Variants in TPRG1 observed in about 807,000 individuals in gnomAD.
TPRG1 encodes tumor protein p63 regulated 1, also known as tumor protein p63-regulated gene 1 protein.
TPRG1 carries 29 observed loss-of-function variants against 29.3 expected under a neutral mutation model. The observed-to-expected ratio is 0.99, with a 90% CI of 0.74 to 1.35. The LOEUF (loss-of-function observed/expected upper bound fraction) is 1.35. Ranked by LOEUF, TPRG1 falls within the 40% of genes most tolerant of loss-of-function variation. The pLI is 0.00. For missense variants in TPRG1, 327 were observed against 335.0 expected (o/e 0.98, Z 0.19); for synonymous variants, 130 against 116.8 (o/e 1.11, Z -0.73).
At chr3:189,011,392 A>G (rs1394690066) in intron 3 of TPRG1, among the ~76,000 whole-genome samples, 2 of 152,084 alleles carry the variant, frequency 1.3e-5, no homozygotes, top group East Asian at 3.8e-4. Context: ...TTCTATCTGT[A>G]TTAGTTCATT....
chr3:189,205,361 A>G (rs974636219), intron 1 of TPRG1, among the ~76,000 whole-genome samples: 4 of 152,246 alleles, frequency 2.6e-5, no homozygotes, highest in African/African-American at 9.6e-5. Context: ...GGGTGAACAT[A>G]TATATAGAGC....
chr3:189,196,551 T>G (rs1419400868), intron 1 of TPRG1, among the ~76,000 whole-genome samples: 1 of 151,954 alleles, frequency 6.6e-6, no homozygotes, highest in East Asian at 1.9e-4. Flanking sequence ...AAACTCCCCT[T>G]TATAAATCCA....
chr3:189,220,711 GT>G (rs1433633454), intron 3 of TPRG1, among the ~76,000 whole-genome samples: 3 of 152,046 alleles, frequency 2.0e-5, no homozygotes, highest in Non-Finnish European at 4.4e-5. Flanking sequence ...TCCTGTATTA[GT>G]TTGCTATGGA....
At chr3:189,217,916 A>C in intron 3 of TPRG1, 1 of 985,448 alleles carries the variant, frequency 1.0e-6, no homozygotes, top group Non-Finnish European at 1.2e-6. Context: ...CAACAATGAG[A>C]ACACAAAAAC....
chr3:189,137,296 ATGTGTGTGTGTGTG>A lies in TPRG1; in HGVS notation c.-291+4639_-291+4652del, dbSNP rs10525363. The stretch of plus-strand genomic sequence containing the variant: ...ATAAACAGCTTCTGAAAACCCCAAA[ATGTGTGTGTGTGTG>A]TGTGTGTGTGTGTGTGTGTGTGTGT... On this transcript the variant is annotated intron_variant, in intron 3 of 6. Coordinates refer to the TPRG1 transcript ENST00000412373. 2.1e-3 allele frequency among the ~76,000 whole-genome samples: 279 copies of A among 129,898 alleles called. 2 individuals carry two copies. The highest frequency in any genetic ancestry group is 5.0e-3 in the South Asian group (18 of 3,600). 85.2% of individuals were successfully genotyped at this position (129,898 alleles called of 152,430 possible).
chr3:189,034,619 TAAAAAA>T (rs1301502983), intron 4 of TPRG1, among the ~76,000 whole-genome samples: 1 of 151,928 alleles, frequency 6.6e-6, no homozygotes, highest in Non-Finnish European at 1.5e-5. Flanking sequence ...TTTAAACAGA[TAAAAAA>T]GAAAAAGCAA....
chr3:189,014,780 C>A (rs529241146), intron 3 of TPRG1, among the ~76,000 whole-genome samples: 1 of 152,226 alleles, frequency 6.6e-6, no homozygotes, highest in African/African-American at 2.4e-5. Context: ...ATTGTAGGTT[C>A]CCTGAGGAGC....
chr3:189,197,705 TG>T (rs1163058872), intron 1 of TPRG1, among the ~76,000 whole-genome samples: 3 of 152,228 alleles, frequency 2.0e-5, no homozygotes, highest in African/African-American at 7.2e-5. Context: ...ATTTCAATAT[TG>T]GACAGGGCTG....
intron 1 of TPRG1, among the ~76,000 whole-genome samples, chr3:189,101,057 C>T (rs1422656663): frequency 6.6e-6 from 1 of 152,228 alleles, no homozygotes; most frequent in African/African-American, 2.4e-5. Context: ...CCTTGGCAGC[C>T]ATGCCCTTGG....
chr3:189,250,744 G>GT (rs1041196666), intron 4 of TPRG1, among the ~76,000 whole-genome samples: 1 of 84,266 alleles, frequency 1.2e-5, no homozygotes, highest in African/African-American at 5.9e-5. Flanking sequence ...AAATTCCCTT[G>GT]TTTAAAAAAA....
At chr3:189,205,157 A>G (rs535716731) in intron 1 of TPRG1, among the ~76,000 whole-genome samples, 5 of 152,310 alleles carry the variant, frequency 3.3e-5, no homozygotes, top group South Asian at 2.1e-4. Flanking sequence ...ACGACTATTC[A>G]AGTGTGACCC....
intron 4 of TPRG1, among the ~76,000 whole-genome samples, chr3:189,293,058 C>T (rs907933182): frequency 7.2e-5 from 11 of 152,166 alleles, no homozygotes; most frequent in African/African-American, 2.7e-4. Context: ...AGCTTGGGCT[C>T]AGTTTAGACA....
chr3:189,253,888 A>G (rs964730055), intron 4 of TPRG1, among the ~76,000 whole-genome samples: 1 of 152,218 alleles, frequency 6.6e-6, no homozygotes, highest in African/African-American at 2.4e-5. Context: ...TGTTGGCCGC[A>G]TAAATGTCTT....
intron 5 of TPRG1, among the ~76,000 whole-genome samples, chr3:189,155,774 A>G (rs182808709): frequency 6.2e-4 from 94 of 152,348 alleles, no homozygotes; most frequent in African/African-American, 2.3e-3. Flanking sequence ...TATGTGTAAA[A>G]TCTGAAGATA....
At chr3:189,088,837 T>A (rs765445307) in intron 4 of TPRG1, among the ~76,000 whole-genome samples, 3 of 152,192 alleles carry the variant, frequency 2.0e-5, no homozygotes, top group Non-Finnish European at 2.9e-5. Context: ...GAGTAAGTAA[T>A]ATATCTTTTT....
intron 4 of TPRG1, among the ~76,000 whole-genome samples, chr3:189,062,723 G>A (rs546638653): frequency 5.8e-4 from 88 of 152,156 alleles, no homozygotes; most frequent in African/African-American, 2.0e-3. Flanking sequence ...TGTATATGTT[G>A]TAATATCCCC....
In TPRG1 at chr3:189,038,649, G is replaced by A. The variant is rs113918303; in HGVS notation, c.-463+14703G>A. On this transcript the variant is annotated intron_variant, in intron 4 of 10. Coordinates refer to the TPRG1 transcript ENST00000433971. The stretch of plus-strand genomic sequence containing the variant: ...TGATACATAATAATTATGAATTTCT[G>A]TTCATTGAAGGACACTGTAGATAAA... 2.7e-3 allele frequency among the ~76,000 whole-genome samples: 408 copies of A among 152,168 alleles called. 2 individuals carry two copies. The highest frequency in any genetic ancestry group is 9.1e-3 in the South Asian group (44 of 4,826).
chr3:189,159,786 A>C (rs1727208466), intron 5 of TPRG1, among the ~76,000 whole-genome samples: 1 of 151,884 alleles, frequency 6.6e-6, no homozygotes, highest in Middle Eastern at 3.4e-3. Flanking sequence ...TCATACGCAC[A>C]GTCCTGGGGT....
At chr3:189,183,307 A>G (rs1368274135) in intron 1 of TPRG1, among the ~76,000 whole-genome samples, 1 of 152,196 alleles carries the variant, frequency 6.6e-6, no homozygotes, top group Non-Finnish European at 1.5e-5. Flanking sequence ...CAGAGATCAC[A>G]TACTTCACAA....
Sources: gnomAD v4.1 joint callset for allele counts (sites outside exome capture counted in the v4.1 genomes callset) on GRCh38, gnomAD v4.1.1 for gene constraint, MANE v1.5 for transcripts, NCBI Gene and HGNC (gene_info 2026-07-23, HGNC 2026-07-21) for gene names.